ITPKB: variants seen among roughly 807,000 people sequenced by gnomAD.
ITPKB encodes inositol-trisphosphate 3-kinase B.
A neutral mutation model predicts 69.4 loss-of-function variants in ITPKB; 13 were observed. The ratio of observed to expected loss-of-function variants is 0.19; its 90% CI spans 0.12 to 0.30. The LOEUF is 0.30. Ranked by LOEUF, ITPKB falls within the 10% of genes least tolerant of loss-of-function variation. ITPKB has a pLI of 1.00. For missense variants in ITPKB, 1,240 were observed against 1,250.5 expected (o/e 0.99, Z 0.13); for synonymous variants, 584 against 513.7 (o/e 1.14, Z -1.85).
In ITPKB at chr1:226,736,380, C is replaced by G. The variant is rs1428047592; in HGVS notation, c.1079G>C (p.Arg360Thr). 1.9e-6 allele frequency: 3 copies of G among 1,612,528 alleles called. No homozygotes were observed. The highest frequency in any genetic ancestry group is 2.7e-5 in the African/African-American group (2 of 75,032). The change falls in exon 2 of 8, where the codon AGG becomes ACG. Residue 360 changes from arginine (R) to threonine (T), a missense_variant. Around this residue, in one of 2 missense-constraint regions of ITPKB, gnomAD observed 992 missense variants for 853.8 expected, o/e 1.16. Coordinates refer to ENST00000429204, the MANE Select transcript of ITPKB (RefSeq NM_002221.4). Reference sequence around the variant, plus strand: ...GGGTTCTCCATCGCGGGGCCCGCCCCTTTCTGGGGCTGGGCTTGTCTCACT... The same window carrying G: ...GGGTTCTCCATCGCGGGGCCCGCCCGTTTCTGGGGCTGGGCTTGTCTCACT... Reference protein sequence around the residue: ...LGSETSPAPERGGPRDGEPPG... With the variant: ...LGSETSPAPETGGPRDGEPPG...
At chr1:226,704,844 C>G (rs975920874) in intron 2 of ITPKB, among the ~76,000 whole-genome samples, 1 of 152,230 alleles carries the variant, frequency 6.6e-6, no homozygotes, top group Non-Finnish European at 1.5e-5. Flanking sequence ...GCTGGAATGA[C>G]TTTTCTTAAA....
intron 2 of ITPKB, among the ~76,000 whole-genome samples, chr1:226,732,389 C>T (rs780513964): frequency 7.9e-5 from 12 of 152,108 alleles, no homozygotes; most frequent in Non-Finnish European, 1.2e-4. Context: ...CAGGCGCCCG[C>T]GACCACGCCA....
Position 226,634,396 on chromosome 1 carries a change from G to A in ITPKB, c.*275C>T. 2.3e-6 allele frequency: 1 copy of A among 436,856 alleles called. No homozygotes were observed. Among genetic ancestry groups the A allele is most frequent in the Non-Finnish European group, 4.1e-6 (1 of 241,260 alleles). 27.1% of individuals were successfully genotyped at this position (436,856 alleles called of 1,614,324 possible). ...TCTGGTAGGGTCCCCTCAGCAGCCA[G>A]GGACCCCCTCCAGCTCTACACCTGA... On this transcript the variant is annotated 3_prime_UTR_variant, in exon 8 of 8. Transcript: ENST00000429204. The surrounding 1 kb of genome is among the most constrained non-coding windows in gnomAD (Gnocchi z 6.3).
In ITPKB at chr1:226,651,205, G is replaced by A. The variant is rs1022335081; in HGVS notation, c.1933-2434C>T. Among the ~76,000 whole-genome samples the A allele has an allele frequency of 7.2e-5, 11 of 152,176 alleles. 1 individual carries two copies. The highest frequency in any genetic ancestry group is 2.4e-4 in the African/African-American group (10 of 41,436). On this transcript the variant is annotated intron_variant, in intron 2 of 7. Coordinates refer to ENST00000429204, the MANE Select transcript of ITPKB (RefSeq NM_002221.4). ...GGCCCGGGGACTGGAACTGGGAGTG[G>A]TTGGGAACCAGACCTGCTATGGGCA...
At chr1:226,697,255 G>A (rs1198392518) in intron 2 of ITPKB, among the ~76,000 whole-genome samples, 1 of 152,256 alleles carries the variant, frequency 6.6e-6, no homozygotes, top group African/African-American at 2.4e-5. Flanking sequence ...AATAGTTGCT[G>A]TGAGGCGTGA....
intron 2 of ITPKB, among the ~76,000 whole-genome samples, chr1:226,670,331 G>T (rs1011118713): frequency 2.8e-4 from 42 of 152,130 alleles, no homozygotes; most frequent in African/African-American, 9.4e-4. Context: ...TTCTGCAAGG[G>T]CCATAAAAAT....
intron 2 of ITPKB, among the ~76,000 whole-genome samples, chr1:226,701,603 CAAAAAAAAAAAAAAAAA>C (rs58756019): frequency 2.2e-5 from 1 of 44,868 alleles, no homozygotes; most frequent in East Asian, 7.9e-4. Context: ...GACTCCGTCT[CAAAAAAAAAAAAAAAAA>C]AAAAAAAAAA....
intron 4 of ITPKB, among the ~76,000 whole-genome samples, chr1:226,646,813 C>A (rs1669072014): frequency 6.6e-6 from 1 of 152,164 alleles, no homozygotes; most frequent in South Asian, 2.1e-4. Context: ...TGCGACCTCC[C>A]TACCTGGTGG....
chr1:226,726,429 C>T (rs1011719373), intron 2 of ITPKB, among the ~76,000 whole-genome samples: 13 of 152,098 alleles, frequency 8.5e-5, no homozygotes, highest in Admixed American at 2.6e-4. Flanking sequence ...GAGGCCAAGG[C>T]GGATTGGGAG....
rs113368890 is a variant in ITPKB at position 226,700,339 on chromosome 1, T to C, written c.1932+35188A>G. On this transcript the variant is annotated intron_variant, in intron 2 of 7. Coordinates refer to ENST00000429204, the MANE Select transcript of ITPKB (RefSeq NM_002221.4). ...AAAAAATTAGCCAGGCATGGTGGCATACGCTTGTAGTCCCACCTACTCGGG... is the reference window on the plus strand; with the variant it reads ...AAAAAATTAGCCAGGCATGGTGGCACACGCTTGTAGTCCCACCTACTCGGG... 4.2e-3 allele frequency among the ~76,000 whole-genome samples: 637 copies of C among 151,962 alleles called. 5 individuals are homozygous for C. The highest frequency in any genetic ancestry group is 0.015 in the African/African-American group (617 of 41,442).
intron 3 of ITPKB, among the ~76,000 whole-genome samples, chr1:226,647,766 A>G (rs1558301966): frequency 6.6e-6 from 1 of 152,252 alleles, no homozygotes; most frequent in Non-Finnish European, 1.5e-5. Flanking sequence ...TCAGTAGAGA[A>G]ACCCTGATTG....
intron 2 of ITPKB, among the ~76,000 whole-genome samples, chr1:226,697,534 G>C (rs1209574811): frequency 1.3e-5 from 2 of 152,172 alleles, no homozygotes; most frequent in African/African-American, 4.8e-5. Flanking sequence ...ATCTCTTTGT[G>C]CGTGATTCTC....
rs4653765 is a variant in ITPKB at position 226,707,644 on chromosome 1, C to A, written c.1932+27883G>T. On this transcript the variant is annotated intron_variant, in intron 2 of 7. Transcript: ENST00000429204. Reference sequence around the variant, plus strand: ...ATAGGCAGTGTACACATGAGTAACTCAAGGCCATCATCACAAGGAAACATG... The same window carrying A: ...ATAGGCAGTGTACACATGAGTAACTAAAGGCCATCATCACAAGGAAACATG... The A allele has an allele frequency of 0.01, 10,084 of 1,006,172 alleles. 489 individuals carry two copies. The African/African-American group carries it at 0.1, about 10-fold the overall frequency. 62.3% of individuals were successfully genotyped at this position (1,006,172 alleles called of 1,614,324 possible). A position where few individuals can be genotyped will look rare whatever the true frequency, so the allele number is the denominator to read the frequency against.
intron 2 of ITPKB, chr1:226,707,872 T>C: frequency 7.7e-7 from 1 of 1,304,124 alleles, no homozygotes; most frequent in South Asian, 1.3e-5. Flanking sequence ...GTATTGGACG[T>C]TGCCCCAGCA....
intron 2 of ITPKB, among the ~76,000 whole-genome samples, chr1:226,680,257 G>A (rs1285766909): frequency 6.6e-6 from 1 of 152,196 alleles, no homozygotes; most frequent in Non-Finnish European, 1.5e-5. Flanking sequence ...GCGGGGATGG[G>A]GCGGGGCACA....
At chr1:226,732,959 AG>A (rs1348964326) in intron 2 of ITPKB, among the ~76,000 whole-genome samples, 2 of 152,222 alleles carry the variant, frequency 1.3e-5, no homozygotes, top group African/African-American at 4.8e-5. Flanking sequence ...GCAAGGATGA[AG>A]AAAGCGCCAC....
intron 2 of ITPKB, among the ~76,000 whole-genome samples, chr1:226,711,415 G>A (rs969071698): frequency 2.1e-3 from 223 of 106,536 alleles, no homozygotes; most frequent in African/African-American, 8.3e-3. Context: ...AAGAGAGAGA[G>A]AGAGAGAGAG....
intron 2 of ITPKB, among the ~76,000 whole-genome samples, chr1:226,691,782 TTA>T (rs1391265044): frequency 6.6e-6 from 1 of 152,204 alleles, no homozygotes; most frequent in East Asian, 1.9e-4. Context: ...AATGTTCTGT[TTA>T]TGTCTCCCCA....
At chr1:226,697,875 C>T (rs1306988710) in intron 2 of ITPKB, among the ~76,000 whole-genome samples, 2 of 152,194 alleles carry the variant, frequency 1.3e-5, no homozygotes, top group Non-Finnish European at 2.9e-5. Context: ...TAAGGGGTCC[C>T]CAAGAGGAGC....
Sources: allele counts gnomAD v4.1 joint callset (sites outside exome capture counted in the v4.1 genomes callset), GRCh38; gene constraint gnomAD v4.1.1; regional missense constraint gnomAD v4.1.1; non-coding constraint Gnocchi (gnomAD v3.1); transcripts MANE v1.5; gene names NCBI Gene and HGNC (gene_info 2026-07-23, HGNC 2026-07-21).